Variants in VAT1L observed in about 807,000 individuals in gnomAD.
VAT1L encodes the protein vesicle amine transport 1 like, also known as putative NADPH-dependent quinone oxidoreductase VAT1L.
Under a neutral mutation model 44.1 loss-of-function variants are expected in VAT1L, and 34 were observed. The ratio of observed to expected loss-of-function variants is 0.77; its 90% confidence interval spans 0.59 to 1.03. The LOEUF is 1.03. VAT1L is among the 50% of genes least tolerant of loss of function. The pLI is 0.00. For missense variants in VAT1L, 615 were observed against 538.8 expected, an observed-to-expected ratio of 1.14 and a Z score of -1.40; for synonymous variants, 253 against 202.2, an observed-to-expected ratio of 1.25 and a Z score of -2.13.
chr16:77,956,713 G>A (rs145909330), intron 7 of VAT1L, among the ~76,000 whole-genome samples: 55 of 152,198 alleles, frequency 3.6e-4, no homozygotes, highest in South Asian at 6.2e-4. Context: ...TATATACCCC[G>A]CTTTAGACAA....
chr16:77,973,128 G>C (rs1156429686), intron 8 of VAT1L, among the ~76,000 whole-genome samples: 1 of 152,154 alleles, frequency 6.6e-6, no homozygotes, highest in Non-Finnish European at 1.5e-5. Flanking sequence ...TCAGTGCACA[G>C]ACCATCCGAC....
intron 7 of VAT1L, among the ~76,000 whole-genome samples, chr16:77,931,559 C>G (rs972157351): frequency 2.0e-5 from 3 of 152,162 alleles, no homozygotes; most frequent in African/African-American, 7.2e-5. Flanking sequence ...TGAGACGTCA[C>G]CCAATTTTAT....
At chr16:77,917,322 G>A (rs953814460) in intron 7 of VAT1L, among the ~76,000 whole-genome samples, 1 of 152,174 alleles carries the variant, frequency 6.6e-6, no homozygotes, top group South Asian at 2.1e-4. Flanking sequence ...TAGCCATTAT[G>A]TGGAAAGGCA....
At chr16:77,912,095 T>G (rs1423363342) in intron 7 of VAT1L, among the ~76,000 whole-genome samples, 1 of 152,112 alleles carries the variant, frequency 6.6e-6, no homozygotes, top group Admixed American at 6.5e-5. Context: ...AAGACAAACA[T>G]TCAGTACACA....
intron 7 of VAT1L, among the ~76,000 whole-genome samples, chr16:77,908,205 C>T (rs2017458745): frequency 6.6e-6 from 1 of 150,814 alleles, no homozygotes; most frequent in Admixed American, 6.6e-5. Flanking sequence ...CACCACTGCA[C>T]TCCAGCCTGG....
At chr16:77,931,753 TG>T (rs2017733698) in intron 7 of VAT1L, among the ~76,000 whole-genome samples, 1 of 152,250 alleles carries the variant, frequency 6.6e-6, no homozygotes. Context: ...ATCACACAGC[TG>T]GAAAAATATA....
Position 77,980,022 on chromosome 16 carries a change from T to C in VAT1L, c.*2327T>C, listed in dbSNP as rs918721726. 6.6e-6 allele frequency: 1 copy of C among 152,652 alleles called. No homozygotes were observed. Among genetic ancestry groups the C allele is most frequent in the African/African-American group, 2.4e-5 (1 of 41,464 alleles). The allele number at this position is 152,652 out of a possible 1,614,324, so 9.5% of individuals were successfully genotyped here. On this transcript the variant is annotated 3_prime_UTR_variant, in exon 9 of 9. Transcript: ENST00000302536. Reference sequence around the variant, plus strand: ...AAACATTGTCTAATGTCTTTGTGGCTTTAGAGCTTTTGTTATATTGTGCCT... The same window carrying C: ...AAACATTGTCTAATGTCTTTGTGGCCTTAGAGCTTTTGTTATATTGTGCCT...
chr16:77,891,204 A>T (rs2017261856), intron 7 of VAT1L, among the ~76,000 whole-genome samples: 1 of 151,866 alleles, frequency 6.6e-6, no homozygotes, highest in Non-Finnish European at 1.5e-5. Flanking sequence ...AGTACAAAAC[A>T]TTAGCCGGGC....
intron 3 of VAT1L, among the ~76,000 whole-genome samples, chr16:77,860,855 C>G (rs573995726): frequency 6.6e-6 from 1 of 152,262 alleles, no homozygotes; most frequent in East Asian, 1.9e-4. Flanking sequence ...AGTGTGCCAG[C>G]AACATGTCTA....
intron 1 of VAT1L, among the ~76,000 whole-genome samples, chr16:77,811,564 A>G (rs1164133396): frequency 6.6e-6 from 1 of 152,154 alleles, no homozygotes; most frequent in Non-Finnish European, 1.5e-5. Flanking sequence ...TCTGGTACGA[A>G]CTATATAACC....
intron 7 of VAT1L, among the ~76,000 whole-genome samples, chr16:77,898,020 G>T (rs967360070): frequency 1.1e-4 from 17 of 152,178 alleles, no homozygotes; most frequent in African/African-American, 4.1e-4. Context: ...TGCAGGGTCT[G>T]TTCCTTCTGA....
intron 1 of VAT1L, chr16:77,801,640 C>A (rs1046772967): frequency 6.6e-6 from 1 of 151,660 alleles, no homozygotes; most frequent in Admixed American, 6.6e-5. Flanking sequence ...ACTCTTCATA[C>A]TCCTACCCCT....
intron 2 of VAT1L, among the ~76,000 whole-genome samples, chr16:77,822,660 T>C (rs2016471155): frequency 6.6e-6 from 1 of 152,178 alleles, no homozygotes; most frequent in Non-Finnish European, 1.5e-5. Context: ...CTTAGGTTTA[T>C]GCCAGGCTAC....
At chr16:77,871,913 T>C (rs1485195774) in intron 4 of VAT1L, among the ~76,000 whole-genome samples, 2 of 152,150 alleles carry the variant, frequency 1.3e-5, no homozygotes, top group Admixed American at 1.3e-4. Flanking sequence ...TGCGTACTCT[T>C]TCTTTTCATG....
At position 77,922,159 on chromosome 16, in the gene VAT1L, G is replaced by A. The variant is rs193106615; in HGVS notation, c.1077+37357G>A. Among the ~76,000 whole-genome samples, 8 of 151,660 alleles carry A rather than the reference G, an allele frequency of 5.3e-5. 1 individual carries two copies. The highest frequency in any genetic ancestry group is 3.9e-4 in the Admixed American group (6 of 15,196). On this transcript the variant is annotated intron_variant, in intron 7 of 8. Transcript: ENST00000302536. ...TTATTTCATAAATGAAGAATCTCTC[G>A]CTGTGTGAGTTTGGGATGGCGGGCG...
chr16:77,964,879 C>T lies in VAT1L; in HGVS notation c.1078-6971C>T, dbSNP rs570964953. Among the ~76,000 whole-genome samples the T allele has an allele frequency of 4.8e-4, 71 of 148,750 alleles. No homozygotes were observed. The South Asian group carries it at 0.013, about 28-fold the overall frequency. On this transcript the variant is annotated intron_variant, in intron 7 of 8. Coordinates refer to ENST00000302536, the MANE Select transcript of VAT1L (RefSeq NM_020927.3). ...CGTAATCTCAGCTCACCGCAACTTC[C>T]GCCTCCCCGGTTCAAGCAATTCTGC...
chr16:77,979,150 T>C lies in VAT1L; in HGVS notation c.*1455T>C, dbSNP rs1390558385. ...CAATTACCTGATTTCCAAAGTCCTT[T>C]TGTAGCAAATGTCACCTCATTCGTG... is the stretch of plus-strand genomic sequence containing the variant. On this transcript the variant is annotated 3_prime_UTR_variant, in exon 9 of 9. Transcript: ENST00000302536. The C allele has an allele frequency of 6.6e-6, 1 of 152,648 alleles. No homozygotes were observed. Among genetic ancestry groups the C allele is most frequent in the Admixed American group, 6.5e-5 (1 of 15,290 alleles). 9.5% of individuals were successfully genotyped at this position (152,648 alleles called of 1,614,324 possible). A position where few individuals can be genotyped will look rare whatever the true frequency, so the allele number is the denominator to read the frequency against.
At chr16:77,890,221 G>A (rs997743051) in intron 7 of VAT1L, among the ~76,000 whole-genome samples, 2 of 152,068 alleles carry the variant, frequency 1.3e-5, no homozygotes, top group Non-Finnish European at 2.9e-5. Context: ...CAAGCAGGAG[G>A]CACAGCATGA....
At chr16:77,828,182 A>G (rs2016544243) in intron 3 of VAT1L, among the ~76,000 whole-genome samples, 1 of 152,222 alleles carries the variant, frequency 6.6e-6, no homozygotes, top group South Asian at 2.1e-4. Flanking sequence ...ACAAAATCTA[A>G]GGAGTCCTGC....
Sources: gnomAD v4.1 joint callset for allele counts (sites outside exome capture counted in the v4.1 genomes callset) on GRCh38, gnomAD v4.1.1 for gene constraint, MANE v1.5 for transcripts, NCBI Gene and HGNC (gene_info 2026-07-23, HGNC 2026-07-21) for gene names.